The following FCHSD2 variants were observed in gnomAD, a reference collection of about 807,000 sequenced individuals.
FCHSD2 encodes FCH and double SH3 domains 2.
A neutral mutation model predicts 108.1 loss-of-function variants in FCHSD2; 38 were observed. The ratio of observed to expected loss-of-function variants is 0.35; its 90% CI spans 0.27 to 0.46. The LOEUF (loss-of-function observed/expected upper bound fraction) is 0.46, where lower values mean the gene tolerates loss of function less well. FCHSD2 is among the 20% of genes least tolerant of loss of function. FCHSD2 has a pLI of 1.00. For missense variants in FCHSD2, 751 were observed against 897.8 expected (o/e 0.84, Z 2.09); for synonymous variants, 279 against 314.7 (o/e 0.89, Z 1.20).
intron 6 of FCHSD2, among the ~76,000 whole-genome samples, chr11:72,986,860 A>T (rs1857321637): frequency 6.6e-6 from 1 of 152,168 alleles, no homozygotes; most frequent in South Asian, 2.1e-4. Flanking sequence ...ACAAATAATG[A>T]ACTATACCGC....
chr11:72,938,545 T>A (rs1445602043), intron 8 of FCHSD2, among the ~76,000 whole-genome samples: 1 of 152,118 alleles, frequency 6.6e-6, no homozygotes, highest in African/African-American at 2.4e-5. Context: ...AGTCAGGGAT[T>A]TGCAAGGTGT....
intron 8 of FCHSD2, among the ~76,000 whole-genome samples, chr11:72,924,762 A>G (rs3207375): frequency 2.0e-5 from 3 of 151,252 alleles, no homozygotes; most frequent in African/African-American, 7.3e-5. Context: ...TGCTTACACC[A>G]CTAGATGACA....
intron 3 of FCHSD2, among the ~76,000 whole-genome samples, chr11:73,060,877 A>G (rs1859142604): frequency 2.6e-5 from 4 of 152,218 alleles, no homozygotes; most frequent in Admixed American, 2.0e-4. Context: ...AGCCAGGTTC[A>G]TAGCTTGAAA....
chr11:72,919,267 T>G (rs1053309892), intron 9 of FCHSD2, among the ~76,000 whole-genome samples: 1 of 152,176 alleles, frequency 6.6e-6, no homozygotes, highest in Non-Finnish European at 1.5e-5. Context: ...AAAAGGGCAC[T>G]ACATTATTCT....
chr11:72,929,246 G>C (rs536408751), intron 8 of FCHSD2, among the ~76,000 whole-genome samples: 1 of 152,300 alleles, frequency 6.6e-6, no homozygotes, highest in East Asian at 1.9e-4. Context: ...CCAGTAATGG[G>C]ATGGCTAGGT....
At chr11:72,907,653 C>T (rs909461429) in intron 9 of FCHSD2, among the ~76,000 whole-genome samples, 1 of 142,964 alleles carries the variant, frequency 7.0e-6, no homozygotes, top group African/African-American at 2.6e-5. Flanking sequence ...CTCCCAGGCA[C>T]GATCTTGGCT....
rs1270762475 is a variant in FCHSD2 at position 73,081,773 on chromosome 11, C to T, written c.165+1922G>A. Among the ~76,000 whole-genome samples, 3 of 152,080 alleles carry T rather than the reference C, an allele frequency of 2.0e-5. No homozygotes were observed. In the East Asian group the frequency reaches 5.8e-4, roughly 29 times the overall value. On this transcript the variant is annotated intron_variant, in intron 3 of 19. Transcript: ENST00000409418. The stretch of plus-strand genomic sequence containing the variant: ...TGTATGAAAGTGTATTTGTAAAGGG[C>T]ATCATAACTGTTGCTATTTCACAGG...
intron 3 of FCHSD2, among the ~76,000 whole-genome samples, chr11:73,036,965 AT>A (rs1426143848): frequency 1.3e-5 from 2 of 152,232 alleles, no homozygotes; most frequent in African/African-American, 4.8e-5. Flanking sequence ...GATTTTAAAT[AT>A]TTCATCTTTG....
chr11:73,130,358 C>T (rs1165004194), intron 2 of FCHSD2, among the ~76,000 whole-genome samples: 1 of 152,190 alleles, frequency 6.6e-6, no homozygotes, highest in African/African-American at 2.4e-5. Context: ...GATCCTCTTG[C>T]CTTAGCAAGG....
At chr11:72,985,441 A>C (rs890343652) in intron 6 of FCHSD2, among the ~76,000 whole-genome samples, 1 of 151,960 alleles carries the variant, frequency 6.6e-6, no homozygotes, top group Non-Finnish European at 1.5e-5. Flanking sequence ...CAAATTATAG[A>C]CTATTCTCAG....
At chr11:73,011,795 G>C (rs1297206591) in intron 4 of FCHSD2, among the ~76,000 whole-genome samples, 2 of 152,166 alleles carry the variant, frequency 1.3e-5, no homozygotes, top group Admixed American at 1.3e-4. Context: ...CACCTGAACA[G>C]GCTACCTTGT....
intron 8 of FCHSD2, among the ~76,000 whole-genome samples, chr11:72,944,331 CTT>C (rs980804805): frequency 2.6e-5 from 4 of 152,088 alleles, no homozygotes; most frequent in Non-Finnish European, 4.4e-5. Flanking sequence ...CAGAAAAGGC[CTT>C]TGACAAAATT....
intron 8 of FCHSD2, among the ~76,000 whole-genome samples, chr11:72,941,831 T>C (rs1290795761): frequency 6.6e-6 from 1 of 152,078 alleles, no homozygotes; most frequent in Non-Finnish European, 1.5e-5. Context: ...CCAGGGAATG[T>C]AGCTTCAAAA....
chr11:72,845,714 C>T (rs1163011564), intron 14 of FCHSD2, among the ~76,000 whole-genome samples: 2 of 152,156 alleles, frequency 1.3e-5, no homozygotes, highest in Non-Finnish European at 2.9e-5. Flanking sequence ...TCTTCCTTGC[C>T]TCTGTGCTTT....
At chr11:73,049,831 G>A (rs952698098) in intron 3 of FCHSD2, among the ~76,000 whole-genome samples, 6 of 151,968 alleles carry the variant, frequency 3.9e-5, no homozygotes, top group African/African-American at 1.4e-4. Flanking sequence ...ATAAAATTTT[G>A]TGAAATCAAT....
intron 2 of FCHSD2, among the ~76,000 whole-genome samples, chr11:73,100,334 TTTGTTG>T (rs56104404): frequency 0.061 from 9,100 of 148,888 alleles, 429 homozygotes; most frequent in African/African-American, 0.13. Flanking sequence ...TTTACATGCT[TTTGTTG>T]TTGTTGTTGT....
chr11:72,877,958 C>CGT (rs1855003475), intron 12 of FCHSD2, among the ~76,000 whole-genome samples: 1 of 152,130 alleles, frequency 6.6e-6, no homozygotes. Context: ...ATGAGTGCCA[C>CGT]TGCACTCCAG....
chr11:73,116,657 T>C (rs1335933820), intron 2 of FCHSD2, among the ~76,000 whole-genome samples: 3 of 152,140 alleles, frequency 2.0e-5, no homozygotes, highest in Admixed American at 1.3e-4. Flanking sequence ...CGCGTCAGCC[T>C]CCCAAGTAGC....
intron 8 of FCHSD2, among the ~76,000 whole-genome samples, chr11:72,934,051 G>A (rs1421377818): frequency 7.3e-6 from 1 of 136,510 alleles, no homozygotes; most frequent in East Asian, 2.5e-4. Context: ...TGAGGCTGCA[G>A]TGAGCCATGA....
Sources: gnomAD v4.1 joint callset for allele counts (sites outside exome capture counted in the v4.1 genomes callset) on GRCh38, gnomAD v4.1.1 for gene constraint, MANE v1.5 for transcripts, NCBI Gene and HGNC (gene_info 2026-07-23, HGNC 2026-07-21) for gene names.